The following B4GALNT1 variants were observed in gnomAD, a reference collection of about 807,000 sequenced individuals.
B4GALNT1 encodes the protein beta-1,4 N-acetylgalactosaminyltransferase 1.
In B4GALNT1, 43 loss-of-function variants were observed where a neutral mutation model predicts 55.2. That is an observed-to-expected ratio of 0.78 (90% CI 0.61 to 1.00). The LOEUF (loss-of-function observed/expected upper bound fraction) is 1.00, where lower values mean the gene tolerates loss of function less well. Among genes scored for constraint, B4GALNT1 ranks in the 50% least tolerant of loss-of-function variants. B4GALNT1 has a pLI of 0.00. For missense variants in B4GALNT1, 664 were observed against 729.7 expected (o/e 0.91, Z 1.04); for synonymous variants, 305 against 311.6 (o/e 0.98, Z 0.22).
At chr12:57,627,931 G>T in intron 9 of B4GALNT1, 73 bp from the exon 10 acceptor site, 1 of 1,475,854 alleles carries the variant, frequency 6.8e-7, no homozygotes, top group Non-Finnish European at 9.0e-7. Flanking sequence ...TCTGCGCTCC[G>T]GTGCCTTCGG....
Position 57,629,102 on chromosome 12 carries a change from T to C in B4GALNT1, c.757A>G (p.Ile253Val), listed in dbSNP as rs749010936. Residue 253 changes from isoleucine to valine, a missense_variant, in exon 7 of 11, where the codon ATA becomes GTA. By Grantham distance (29) the Ile-to-Val change is conservative. Coordinates refer to ENST00000341156, the MANE Select transcript of B4GALNT1 (RefSeq NM_001478.5). ...AGCCGAGGGTTGGGCGGGTGTCTTA[T>C]GCGGATAGTGAAAGCAGCCTCATGT... ...EGHEAAFTIR[I>V]RHPPNPRLYP... is the part of the protein sequence containing the mutation. The C allele has an allele frequency of 4.2e-5, 67 of 1,599,276 alleles. No homozygotes were observed. Among genetic ancestry groups the C allele is most frequent in the African/African-American group, 8.0e-5 (6 of 74,612 alleles).
chr12:57,630,373 C>T, intron 5 of B4GALNT1, 41 bp from the exon 6 acceptor site: 2 of 1,601,068 alleles, frequency 1.2e-6, no homozygotes, highest in Non-Finnish European at 1.7e-6. Flanking sequence ...GCCCCAGACC[C>T]ACTTCTTGCC....
At chr12:57,632,227 C>G in intron 1 of B4GALNT1, 94 bp from the exon 2 acceptor site, 1 of 1,250,702 alleles carries the variant, frequency 8.0e-7, no homozygotes, top group Non-Finnish European at 1.1e-6. Context: ...AGGCTCCTGC[C>G]GGCTCCCAAG....
chr12:57,625,262 C>G lies in B4GALNT1; in HGVS notation c.*1482G>C. 1.2e-6 allele frequency: 2 copies of G among 1,614,026 alleles called. No individual in the cohort carries two copies. The highest frequency in any genetic ancestry group is 1.7e-6 in the Non-Finnish European group (2 of 1,179,966). On this transcript the variant is annotated 3_prime_UTR_variant, in exon 11 of 11. Coordinates refer to ENST00000341156, the MANE Select transcript of B4GALNT1 (RefSeq NM_001478.5). ...TGCTGAGCCTGTCAGGGTGGTGGTC[C>G]TAGACTTCAGTGGTGTCACCTTTGC...
At chr12:57,630,620 C>T (rs1826888873) in intron 4 of B4GALNT1, 102 bp from the exon 5 acceptor site, 2 of 1,356,548 alleles carry the variant, frequency 1.5e-6, no homozygotes, top group African/African-American at 1.5e-5. Context: ...AACTTTCCAC[C>T]TATTCTTCTT....
chr12:57,626,813 G>C lies in B4GALNT1; in HGVS notation c.1533C>G (p.Asp511Glu), dbSNP rs368931577. Residue 511 changes from aspartate to glutamate, a missense_variant, in exon 11 of 11, where the codon GAC becomes GAG. Coordinates refer to ENST00000341156, the MANE Select transcript of B4GALNT1 (RefSeq NM_001478.5). ...GCCGGTGTTTGGCCATCTGGCTCTC[G>C]TCCAGTGATCCTGGGTAACGGTACC... ...YARYRYPGSL[D>E]ESQMAKHRLL... 180 of 1,614,102 alleles carry C rather than the reference G, an allele frequency of 1.1e-4. No individual in the cohort carries two copies. Among genetic ancestry groups the C allele is most frequent in the Non-Finnish European group, 1.4e-4 (170 of 1,180,044 alleles).
At chr12:57,630,551 A>T in intron 4 of B4GALNT1, 33 bp from the exon 5 acceptor site, 2 of 1,581,470 alleles carry the variant, frequency 1.3e-6, no homozygotes, top group African/African-American at 2.7e-5. Flanking sequence ...TCAGAATCAC[A>T]TAGGCAGCCC....
Position 57,627,694 on chromosome 12 carries a change from A to T in B4GALNT1, c.1308T>A (p.Val436=). 6.2e-7 allele frequency: 1 copy of T among 1,612,298 alleles called. No individual in the cohort carries two copies. The highest frequency in any genetic ancestry group is 1.3e-5 in the African/African-American group (1 of 75,004). Residue 436 remains valine (V), a synonymous_variant, in exon 10 of 11, where the codon GTT becomes GTA. Transcript: ENST00000341156. ...TGTCAGTCCGCGCCAGGAAGAAGTT[A>T]ACCACGCCGTCGGTGACCACGCAGC... ...FPGCVVTDGV[V]NFFLARTDKV...
chr12:57,630,175 T>C lies in B4GALNT1; in HGVS notation c.689A>G (p.Tyr230Cys). Residue 230 changes from tyrosine (Y) to cysteine (C), a missense_variant, in exon 6 of 11, where the codon TAC (tyrosine) becomes TGC (cysteine). Transcript: ENST00000341156. ...ACCTGTGTCTGCTGTGTTGGTCTGG[T>C]AGCTTCGGCTGCTGTAAGTGACCAG... Reference protein sequence around the residue: ...LQLVTYSSRSYQTNTADTVRF... With the variant: ...LQLVTYSSRSCQTNTADTVRF... The C allele has an allele frequency of 6.2e-7, 1 of 1,614,196 alleles. No homozygotes were observed. The highest frequency in any genetic ancestry group is 8.5e-7 in the Non-Finnish European group (1 of 1,180,028).
In B4GALNT1 at chr12:57,630,609, G is replaced by C. The variant is rs967249101; in HGVS notation, c.491-91C>G. On this transcript the variant is annotated intron_variant, in intron 4 of 10. Transcript: ENST00000341156. ...CCCTGCTGTCACCACACACAATAGA[G>C]AACTTTCCACCTATTCTTCTTATTG... The C allele has an allele frequency of 9.9e-5, 139 of 1,410,668 alleles. No homozygotes were observed. The East Asian group carries it at 3.0e-3, about 31-fold the overall frequency. 87.4% of individuals were successfully genotyped at this position (1,410,668 alleles called of 1,614,324 possible).
rs1390441252 is a variant in B4GALNT1, at chr12:57,630,222, G to A, written c.642C>T (p.Asp214=). 1 of 1,614,238 alleles carries A rather than the reference G, an allele frequency of 6.2e-7. No individual in the cohort carries two copies. The highest frequency in any genetic ancestry group is 1.1e-5 in the South Asian group (1 of 91,086). ...CCAGTTGTAGTTGCCTGTTGAGTTGGTCCAGCCCTGGGCTGACAAGGGTGA... is the reference window on the plus strand; with the variant it reads ...CCAGTTGTAGTTGCCTGTTGAGTTGATCCAGCCCTGGGCTGACAAGGGTGA... ...ADLTLVSPGL[D]QLNRQLQLVT... is the part of the protein sequence containing the mutation. The change falls in exon 6 of 11, where the codon GAC becomes GAT. Residue 214 remains aspartate, a synonymous_variant. Coordinates refer to ENST00000341156, the MANE Select transcript of B4GALNT1 (RefSeq NM_001478.5).
chr12:57,631,965 A>G lies in B4GALNT1; in HGVS notation c.168T>C (p.Pro56=). 1 of 1,457,692 alleles carries G rather than the reference A, an allele frequency of 6.9e-7. No homozygotes were observed. The highest frequency in any genetic ancestry group is 1.4e-5 in the African/African-American group (1 of 69,006). The allele number at this position is 1,457,692 out of a possible 1,614,324, so 90.3% of individuals were successfully genotyped here. Residue 56 remains proline (P), a synonymous_variant, in exon 2 of 11, where the codon CCT becomes CCC. Coordinates refer to ENST00000341156, the MANE Select transcript of B4GALNT1 (RefSeq NM_001478.5). ...PRRPELPDLA[P]EPRYAHIPVR... ...CCGGGATGTGTGCGTAGCGGGGCTC[A>G]GGAGCAAGATCTGGCAGCTCGGGCC...
At chr12:57,628,375 G>C (rs1737745419) in intron 8 of B4GALNT1, 113 bp from the exon 9 acceptor site, 2 of 1,487,364 alleles carry the variant, frequency 1.3e-6, no homozygotes, top group Non-Finnish European at 1.8e-6. Context: ...CCAGACTTTT[G>C]AGTGCTTTCG....
chr12:57,630,139 C>T lies in B4GALNT1; in HGVS notation c.712+13G>A. Reference sequence around the variant, plus strand: ...TTGCCCAGCCTGCCCGTCTCTCCACCCAGGCCTTGCACCTGTGTCTGCTGT... The same window carrying T: ...TTGCCCAGCCTGCCCGTCTCTCCACTCAGGCCTTGCACCTGTGTCTGCTGT... On this transcript the variant is annotated intron_variant, in intron 6 of 10. Coordinates refer to ENST00000341156, the MANE Select transcript of B4GALNT1 (RefSeq NM_001478.5). 1 of 1,614,222 alleles carries T rather than the reference C, an allele frequency of 6.2e-7. No individual in the cohort carries two copies. The highest frequency in any genetic ancestry group is 1.3e-5 in the African/African-American group (1 of 75,052).
rs1755870917 is a variant in B4GALNT1, at chr12:57,626,420, C to G, written c.*324G>C. On this transcript the variant is annotated 3_prime_UTR_variant, in exon 11 of 11. Coordinates refer to ENST00000341156, the MANE Select transcript of B4GALNT1 (RefSeq NM_001478.5). ...CAAGATGAGAGGACAGTGTTTCCACCTTAGGTTCTTAGAGTCCCTCTGGGC... is the reference window on the plus strand; with the variant it reads ...CAAGATGAGAGGACAGTGTTTCCACGTTAGGTTCTTAGAGTCCCTCTGGGC... 2 of 387,348 alleles carry G rather than the reference C, an allele frequency of 5.2e-6. No homozygotes were observed. Among genetic ancestry groups the G allele is most frequent in the Non-Finnish European group, 9.7e-6 (2 of 206,880 alleles). The allele number at this position is 387,348 out of a possible 1,614,324, so 24.0% of individuals were successfully genotyped here.
At position 57,625,130 on chromosome 12, in the gene B4GALNT1, C is replaced by T; in HGVS notation, c.*1614G>A. The T allele has an allele frequency of 1.2e-6, 2 of 1,613,990 alleles. No individual in the cohort carries two copies. The highest frequency in any genetic ancestry group is 1.7e-5 in the Admixed American group (1 of 60,014). ...GCCCTTCTTTACTTATAGGAGACTT[C>T]AAAGCCAGATGGCCCAATGGTTGCA... is the stretch of plus-strand genomic sequence containing the variant. On this transcript the variant is annotated 3_prime_UTR_variant, in exon 11 of 11. Transcript: ENST00000341156.
At position 57,625,826 on chromosome 12, in the gene B4GALNT1, C is replaced by T. The variant is rs527399372; in HGVS notation, c.*918G>A. 4.0e-4 allele frequency: 573 copies of T among 1,429,736 alleles called. 6 individuals carry two copies. The South Asian group carries it at 7.4e-3, about 18-fold the overall frequency. The allele number at this position is 1,429,736 out of a possible 1,614,324, so 88.6% of individuals were successfully genotyped here. A position where few individuals can be genotyped will look rare whatever the true frequency, so the allele number is the denominator to read the frequency against. On this transcript the variant is annotated 3_prime_UTR_variant, in exon 11 of 11. Coordinates refer to ENST00000341156, the MANE Select transcript of B4GALNT1 (RefSeq NM_001478.5). Reference sequence around the variant, plus strand: ...AAGATCAAGAAGAAAAGGGTGGGGACGGAATGAATAGTAGATTGAAGACCA... The same window carrying T: ...AAGATCAAGAAGAAAAGGGTGGGGATGGAATGAATAGTAGATTGAAGACCA...
Position 57,626,593 on chromosome 12 carries a change from C to T in B4GALNT1, c.*151G>A. ...AGGGGTGTCACCAGGACAACCCCTA[C>T]TGGGCATCAGGTTCTGAAAAGGAAG... On this transcript the variant is annotated 3_prime_UTR_variant, in exon 11 of 11. Coordinates refer to ENST00000341156, the MANE Select transcript of B4GALNT1 (RefSeq NM_001478.5). 1 of 895,304 alleles carries T rather than the reference C, an allele frequency of 1.1e-6. No homozygotes were observed. The allele number at this position is 895,304 out of a possible 1,614,324, so 55.5% of individuals were successfully genotyped here. A position where few individuals can be genotyped will look rare whatever the true frequency, so the allele number is the denominator to read the frequency against.
chr12:57,625,117 T>C lies in B4GALNT1; in HGVS notation c.*1627A>G, dbSNP rs770546818. Reference sequence around the variant, plus strand: ...GGGAGTGGTGACTGCCCTTCTTTACTTATAGGAGACTTCAAAGCCAGATGG... The same window carrying C: ...GGGAGTGGTGACTGCCCTTCTTTACCTATAGGAGACTTCAAAGCCAGATGG... On this transcript the variant is annotated 3_prime_UTR_variant, in exon 11 of 11. Coordinates refer to ENST00000341156, the MANE Select transcript of B4GALNT1 (RefSeq NM_001478.5). 1.2e-6 allele frequency: 2 copies of C among 1,614,048 alleles called. No individual in the cohort carries two copies. Among genetic ancestry groups the C allele is most frequent in the Admixed American group, 1.7e-5 (1 of 60,012 alleles).
Sources: allele counts gnomAD v4.1 joint callset, GRCh38; gene constraint gnomAD v4.1.1; transcripts MANE v1.5; gene names NCBI Gene and HGNC (gene_info 2026-07-23, HGNC 2026-07-21).